The following TTC3 variants were observed in gnomAD, a reference collection of about 807,000 sequenced individuals.
TTC3 encodes the protein E3 ubiquitin-protein ligase TTC3.
A neutral mutation model predicts 249.6 loss-of-function variants in TTC3; 180 were observed. That is an observed-to-expected ratio of 0.72 (90% confidence interval 0.64 to 0.82). The LOEUF is 0.82. Ranked by LOEUF, TTC3 falls within the 40% of genes least tolerant of loss-of-function variation. The pLI, the probability that TTC3 is intolerant of heterozygous loss-of-function variation, is 0.00. For synonymous variants in TTC3, 717 were observed against 805.0 expected, an observed-to-expected ratio of 0.89 and a Z score of 1.85; for missense variants, 2,061 against 2,398.4, an observed-to-expected ratio of 0.86 and a Z score of 2.94.
At chr21:37,173,547 T>C (rs1381643949) in intron 35 of TTC3, among the ~76,000 whole-genome samples, 1 of 152,226 alleles carries the variant, frequency 6.6e-6, no homozygotes, top group Non-Finnish European at 1.5e-5. Context: ...GCATTTGTTT[T>C]TAAAAGCTAC....
At chr21:37,115,202 A>AT (rs56746542) in intron 11 of TTC3, among the ~76,000 whole-genome samples, 14 of 150,210 alleles carry the variant, frequency 9.3e-5, no homozygotes, top group African/African-American at 2.9e-4. Context: ...AATAATAATA[A>AT]AGAAACTATT....
intron 1 of TTC3, among the ~76,000 whole-genome samples, chr21:37,079,183 G>A (rs1356485566): frequency 6.6e-6 from 1 of 151,836 alleles, no homozygotes; most frequent in Non-Finnish European, 1.5e-5. Flanking sequence ...ATTTTATTTA[G>A]ATTTTTGTGT....
At chr21:37,200,783 A>G (rs751892963) in intron 45 of TTC3, among the ~76,000 whole-genome samples, 24 of 152,162 alleles carry the variant, frequency 1.6e-4, no homozygotes, top group Non-Finnish European at 2.6e-4. Context: ...TGTGTGAACT[A>G]TCATGGTGTT....
At chr21:37,160,644 C>T (rs527708707) in intron 29 of TTC3, among the ~76,000 whole-genome samples, 158 bp from the exon 30 acceptor site, 2 of 152,202 alleles carry the variant, frequency 1.3e-5, no homozygotes, top group East Asian at 1.9e-4. Flanking sequence ...TATTATAAAT[C>T]GTAGCACTTG....
chr21:37,140,237 A>AAAAAAC (rs775192347), intron 19 of TTC3, among the ~76,000 whole-genome samples: 1 of 152,114 alleles, frequency 6.6e-6, no homozygotes, highest in Non-Finnish European at 1.5e-5. Flanking sequence ...AGCCTTTTTT[A>AAAAAAC]AAAAACAAAA....
At chr21:37,192,243 T>TA (rs775690830) in intron 41 of TTC3, 30 bp downstream of exon 41, 22 of 1,256,414 alleles carry the variant, frequency 1.8e-5, no homozygotes, top group Non-Finnish European at 2.1e-5. Context: ...TTTTTTTTTT[T>TA]AAACCATAAT....
At chr21:37,172,443 G>T (rs1569138788) in intron 34 of TTC3, 152 bp from the exon 35 acceptor site, 2 of 825,798 alleles carry the variant, frequency 2.4e-6, no homozygotes, top group Admixed American at 3.3e-5. Flanking sequence ...GTGTTTAGGG[G>T]TTTTTAATTC....
At chr21:37,126,212 A>G (rs1399024347) in intron 15 of TTC3, 69 bp downstream of exon 15, 5 of 1,445,514 alleles carry the variant, frequency 3.5e-6, no homozygotes, top group African/African-American at 2.8e-5. Context: ...ATGCCCTACA[A>G]TGTGCACAAG....
intron 38 of TTC3, 84 bp downstream of exon 38, chr21:37,187,229 A>G: frequency 1.0e-6 from 1 of 1,001,174 alleles, no homozygotes; most frequent in Non-Finnish European, 1.5e-6. Context: ...CATAACAGAC[A>G]TTACTGAAAA....
exon 32 of TTC3, chr21:37,164,060 T>G: frequency 6.2e-7 from 1 of 1,601,574 alleles, no homozygotes; most frequent in Non-Finnish European, 8.5e-7. Flanking sequence ...GCAATCGAAA[T>G]TCAGATTCTG....
chr21:37,182,439 T>G (rs555146358), intron 35 of TTC3, among the ~76,000 whole-genome samples: 6 of 152,382 alleles, frequency 3.9e-5, no homozygotes, highest in African/African-American at 1.2e-4. Context: ...CTATTGGCCT[T>G]GCCAACTAAA....
chr21:37,120,675 A>G (rs979673510), intron 11 of TTC3, among the ~76,000 whole-genome samples: 4 of 152,152 alleles, frequency 2.6e-5, no homozygotes, highest in African/African-American at 9.7e-5. Context: ...GCTAAGCCCA[A>G]ATAGTCTGTC....
chr21:37,191,569 G>T, intron 40 of TTC3, 145 bp downstream of exon 40: 1 of 516,100 alleles, frequency 1.9e-6, no homozygotes, highest in Non-Finnish European at 3.3e-6. Flanking sequence ...GCTTTTCATG[G>T]AACTAATGGT....
At chr21:37,188,547 T>G in exon 39 of TTC3, 1 of 1,614,032 alleles carries the variant, frequency 6.2e-7, no homozygotes, top group Non-Finnish European at 8.5e-7. Context: ...CTACAGATCA[T>G]GGAGTCACAA....
intron 15 of TTC3, among the ~76,000 whole-genome samples, chr21:37,126,363 A>G (rs2077044970): frequency 6.6e-6 from 1 of 152,216 alleles, no homozygotes; most frequent in Non-Finnish European, 1.5e-5. Flanking sequence ...ATAAAAGGAA[A>G]GGAAAAGATG....
intron 41 of TTC3, among the ~76,000 whole-genome samples, chr21:37,195,222 A>G (rs2084741856): frequency 6.6e-6 from 1 of 152,206 alleles, no homozygotes; most frequent in African/African-American, 2.4e-5. Context: ...GAGTGTCAGC[A>G]CTGCAGGCGT....
chr21:37,112,249 T>G (rs2034574175), intron 11 of TTC3, among the ~76,000 whole-genome samples: 1 of 152,112 alleles, frequency 6.6e-6, no homozygotes, highest in Non-Finnish European at 1.5e-5. Context: ...AATCAGTGAA[T>G]CCAGGAGCTG....
In TTC3 at chr21:37,129,014, A is replaced by T; in HGVS notation, c.1309A>T (p.Lys437Ter). The change falls in exon 16 of 46, where the codon AAA becomes TAA. Residue 437 changes from lysine (K) to a stop codon, truncating the protein, a stop_gained. Coordinates refer to ENST00000355666, the Ensembl canonical transcript of TTC3. LOFTEE classifies it high-confidence loss of function. Reference sequence around the variant, plus strand: ...TTTTGTGTTCACAGGTCAGCCTCCAAAACATAAAGGAAAACAAAAATCTCG... The same window carrying T: ...TTTTGTGTTCACAGGTCAGCCTCCATAACATAAAGGAAAACAAAAATCTCG... The T allele has an allele frequency of 1.0e-5, 16 of 1,595,152 alleles. No homozygotes were observed. The highest frequency in any genetic ancestry group is 1.4e-5 in the Non-Finnish European group (16 of 1,172,212).
At chr21:37,188,552 T>A in exon 39 of TTC3, 2 of 1,613,738 alleles carry the variant, frequency 1.2e-6, no homozygotes, top group Non-Finnish European at 1.7e-6. Context: ...GATCATGGAG[T>A]CACAAGCAGA....
Sources: gnomAD v4.1 joint callset for allele counts (sites outside exome capture counted in the v4.1 genomes callset) on GRCh38, gnomAD v4.1.1 for gene constraint, MANE v1.5 for transcripts, NCBI Gene and HGNC (gene_info 2026-07-23, HGNC 2026-07-21) for gene names.